Variants in RIPOR3 observed in about 807,000 individuals in gnomAD.
RIPOR3 encodes family with sequence similarity 65 member C.
Under a neutral mutation model 114.3 loss-of-function variants are expected in RIPOR3, and 95 were observed. The observed-to-expected ratio is 0.83, with a 90% CI of 0.70 to 0.99. RIPOR3 has a LOEUF of 0.99. Ranked by LOEUF, RIPOR3 falls within the 50% of genes least tolerant of loss-of-function variation. The pLI is 0.00. For synonymous variants in RIPOR3, 575 were observed against 543.8 expected, an observed-to-expected ratio of 1.06 and a Z score of -0.80; for missense variants, 1,252 against 1,266.9, an observed-to-expected ratio of 0.99 and a Z score of 0.18.
At chr20:50,611,939 C>G (rs1277839708) in intron 4 of RIPOR3, among the ~76,000 whole-genome samples, 1 of 151,980 alleles carries the variant, frequency 6.6e-6, no homozygotes, top group African/African-American at 2.4e-5. Flanking sequence ...GCCTGGCCAA[C>G]GTGGCGAAAC....
At chr20:50,681,707 G>T (rs6012993) in intron 1 of RIPOR3, among the ~76,000 whole-genome samples, 2 of 152,072 alleles carry the variant, frequency 1.3e-5, no homozygotes, top group African/African-American at 4.8e-5. Context: ...TCACCACACC[G>T]TTCCCCACAC....
At chr20:50,619,017 C>T (rs1384646642) in intron 3 of RIPOR3, among the ~76,000 whole-genome samples, 3 of 152,188 alleles carry the variant, frequency 2.0e-5, no homozygotes, top group Non-Finnish European at 4.4e-5. Flanking sequence ...TCGAGACCAG[C>T]CTGGCCAACG....
At chr20:50,623,732 A>G (rs6091185) in intron 2 of RIPOR3, among the ~76,000 whole-genome samples, 8,819 of 152,262 alleles carry the variant, frequency 0.058, 549 homozygotes, top group African/African-American at 0.15. Context: ...GAGCCTGGTG[A>G]GAACACGTGA....
intron 4 of RIPOR3, among the ~76,000 whole-genome samples, chr20:50,615,108 A>AGTGTGT (rs56136460): frequency 0.17 from 23,497 of 138,268 alleles, 2,127 homozygotes; most frequent in East Asian, 0.24. Context: ...GCTATTTGTG[A>AGTGTGT]GTGTGTGTGT....
intron 1 of RIPOR3, among the ~76,000 whole-genome samples, chr20:50,644,064 G>A (rs1185944410): frequency 6.6e-6 from 1 of 151,730 alleles, no homozygotes. Context: ...AGGCTGCAGT[G>A]AGCCAGGATT....
At chr20:50,643,204 C>A (rs1388702579) in intron 1 of RIPOR3, among the ~76,000 whole-genome samples, 1 of 150,884 alleles carries the variant, frequency 6.6e-6, no homozygotes, top group East Asian at 2.0e-4. Flanking sequence ...CTCACTGCAA[C>A]CTTTGCCTCC....
At chr20:50,616,173 A>C in intron 3 of RIPOR3, 93 bp from the exon 4 acceptor site, 1 of 1,316,278 alleles carries the variant, frequency 7.6e-7, no homozygotes, top group Non-Finnish European at 1.1e-6. Flanking sequence ...CGTGGAGAGC[A>C]GACACGGGGC....
chr20:50,654,871 G>T (rs1039929497), intron 1 of RIPOR3, among the ~76,000 whole-genome samples: 1 of 151,972 alleles, frequency 6.6e-6, no homozygotes, highest in African/African-American at 2.4e-5. Context: ...TCAACTCCCC[G>T]AGTAGCTGGG....
chr20:50,603,892 C>G (rs1042216813), intron 12 of RIPOR3, among the ~76,000 whole-genome samples: 1 of 152,164 alleles, frequency 6.6e-6, no homozygotes, highest in Admixed American at 6.6e-5. Flanking sequence ...AAATTGAAGT[C>G]CAGAGAGGGC....
At chr20:50,633,283 C>A (rs1168980089) in intron 1 of RIPOR3, among the ~76,000 whole-genome samples, 2 of 142,940 alleles carry the variant, frequency 1.4e-5, no homozygotes, top group South Asian at 2.3e-4. Flanking sequence ...AAACAAAAAA[C>A]AAAAAATAGT....
chr20:50,677,783 C>A (rs2123580769), intron 1 of RIPOR3, among the ~76,000 whole-genome samples: 1 of 151,556 alleles, frequency 6.6e-6, no homozygotes, highest in African/African-American at 2.4e-5. Flanking sequence ...GATTCTCCTG[C>A]CTCAGCCTCT....
At chr20:50,597,749 C>T in intron 13 of RIPOR3, 39 bp from the exon 14 acceptor site, 1 of 1,600,136 alleles carries the variant, frequency 6.2e-7, no homozygotes. Context: ...CAACACCGGG[C>T]CCCACCCACC....
intron 2 of RIPOR3, among the ~76,000 whole-genome samples, chr20:50,622,251 G>A (rs568316836): frequency 4.0e-5 from 6 of 149,656 alleles, no homozygotes; most frequent in African/African-American, 1.5e-4. Flanking sequence ...GTGCAATCTC[G>A]GCTCACTGCA....
intron 1 of RIPOR3, chr20:50,636,685 G>A (rs1158794822): frequency 1.0e-6 from 1 of 985,472 alleles, no homozygotes; most frequent in African/African-American, 1.7e-5. Flanking sequence ...GGTGTGTGCA[G>A]GGAGAGGAAG....
At chr20:50,621,362 G>T (rs955895618) in intron 2 of RIPOR3, among the ~76,000 whole-genome samples, 14 of 152,154 alleles carry the variant, frequency 9.2e-5, no homozygotes, top group Non-Finnish European at 2.1e-4. Flanking sequence ...TTCCTCTGGG[G>T]CACCTCCCCA....
At chr20:50,682,612 A>ATGGGTGTGTGTGTGTGTGTGTGTGTG (rs1555877415) in intron 1 of RIPOR3, among the ~76,000 whole-genome samples, 1 of 146,792 alleles carries the variant, frequency 6.8e-6, no homozygotes, top group Admixed American at 6.9e-5. Flanking sequence ...GTCTCAAAAT[A>ATGGGTGTGTGTGTGTGTGTGTGTGTG]TGTGTGTGTG....
chr20:50,607,750 C>T (rs1004520693), intron 11 of RIPOR3, among the ~76,000 whole-genome samples: 4 of 152,170 alleles, frequency 2.6e-5, no homozygotes, highest in African/African-American at 9.7e-5. Context: ...CCAGCTCGGA[C>T]ACCCACCCTA....
intron 8 of RIPOR3, 115 bp from the exon 9 acceptor site, chr20:50,609,070 A>G: frequency 7.0e-7 from 1 of 1,434,102 alleles, no homozygotes. Flanking sequence ...TGGGGTGAGG[A>G]TGGGGGGGAG....
At chr20:50,690,273 C>T (rs4811094) in intron 1 of RIPOR3, among the ~76,000 whole-genome samples, 123,142 of 152,166 alleles carry the variant, frequency 0.81, 50,831 homozygotes, top group East Asian at 0.96. Flanking sequence ...ATATGCCAGT[C>T]TCCCTGCCCC....
Sources: gnomAD v4.1 joint callset for allele counts (sites outside exome capture counted in the v4.1 genomes callset) on GRCh38, gnomAD v4.1.1 for gene constraint, MANE v1.5 for transcripts, NCBI Gene and HGNC (gene_info 2026-07-23, HGNC 2026-07-21) for gene names.